Variants in NFIB observed in about 807,000 individuals in gnomAD.
NFIB encodes nuclear factor I B, also known as nuclear factor 1 B-type.
Under a neutral mutation model 61.5 loss-of-function variants are expected in NFIB, and 11 were observed. The ratio of observed to expected loss-of-function variants is 0.18; its 90% CI spans 0.11 to 0.30. The LOEUF is 0.30. Ranked by LOEUF, NFIB falls within the 10% of genes least tolerant of loss-of-function variation. NFIB has a pLI of 1.00. For synonymous variants in NFIB, 260 were observed against 216.5 expected (o/e 1.20, Z -1.76); for missense variants, 471 against 608.9 (o/e 0.77, Z 2.38).
At chr9:14,469,037 C>G in the NFIB span, among the ~76,000 whole-genome samples, 1 of 152,296 alleles carries the variant, frequency 6.6e-6, no homozygotes, top group South Asian at 2.1e-4. Flanking sequence ...CACAACAATG[C>G]CCACTTCGAT....
chr9:14,364,126 A>G (rs549715995), intron 1 of NFIB, among the ~76,000 whole-genome samples: 4 of 152,304 alleles, frequency 2.6e-5, no homozygotes, highest in Non-Finnish European at 5.9e-5. Flanking sequence ...TTTAATAGCT[A>G]TTGCCAAATT....
chr9:14,190,182 T>G (rs2131546583), intron 2 of NFIB, among the ~76,000 whole-genome samples: 1 of 152,310 alleles, frequency 6.6e-6, no homozygotes, highest in East Asian at 1.9e-4. Flanking sequence ...TTTTTATATC[T>G]TATGTTACTT....
chr9:14,357,113 G>A (rs2061185154), intron 1 of NFIB: 1 of 152,228 alleles, frequency 6.6e-6, no homozygotes. Flanking sequence ...GAAAAGAGTT[G>A]CTGTATAAAT....
At chr9:14,370,108 C>T (rs2061343152) in intron 1 of NFIB, among the ~76,000 whole-genome samples, 2 of 152,322 alleles carry the variant, frequency 1.3e-5, no homozygotes, top group South Asian at 4.1e-4. Flanking sequence ...CTTTGTGCCT[C>T]CCTTCAAGCA....
At chr9:14,332,220 C>T (rs919366528) in intron 1 of NFIB, among the ~76,000 whole-genome samples, 1 of 149,948 alleles carries the variant, frequency 6.7e-6, no homozygotes, top group Non-Finnish European at 1.5e-5. Flanking sequence ...GTAATCCCAG[C>T]TATTCGGGAG....
chr9:14,465,606 CA>C, the NFIB span, among the ~76,000 whole-genome samples: 1 of 151,270 alleles, frequency 6.6e-6, no homozygotes, highest in Non-Finnish European at 1.5e-5. Flanking sequence ...CACACACACA[CA>C]CGCCCTACCC....
intron 2 of NFIB, among the ~76,000 whole-genome samples, chr9:14,252,087 T>G (rs1263558090): frequency 2.0e-5 from 3 of 152,196 alleles, no homozygotes; most frequent in Non-Finnish European, 4.4e-5. Flanking sequence ...TTTAAAACTG[T>G]GATTACCCTT....
the NFIB span, among the ~76,000 whole-genome samples, chr9:14,460,472 CAAA>C: frequency 1.2e-4 from 18 of 151,694 alleles, no homozygotes; most frequent in Non-Finnish European, 1.2e-4. Flanking sequence ...ACACACGTAA[CAAA>C]CCTGCACGTT....
At chr9:14,170,134 C>A (rs370817725) in intron 3 of NFIB, among the ~76,000 whole-genome samples, 1 of 152,038 alleles carries the variant, frequency 6.6e-6, no homozygotes, top group Non-Finnish European at 1.5e-5. Flanking sequence ...TTTAGTCCAG[C>A]GAGCTTAACT....
intron 2 of NFIB, among the ~76,000 whole-genome samples, chr9:14,292,409 G>C (rs1345069524): frequency 6.6e-6 from 1 of 152,164 alleles, no homozygotes; most frequent in Non-Finnish European, 1.5e-5. Context: ...TCAAGAGTCA[G>C]GTTACACATT....
chr9:14,508,249 T>A, the NFIB span, among the ~76,000 whole-genome samples: 2 of 152,148 alleles, frequency 1.3e-5, no homozygotes, highest in South Asian at 2.1e-4. Context: ...GTATGTGTGA[T>A]GTTTATGTAG....
At chr9:14,531,091 TA>T in the NFIB span, among the ~76,000 whole-genome samples, 26 of 152,184 alleles carry the variant, frequency 1.7e-4, no homozygotes, top group Non-Finnish European at 3.2e-4. Flanking sequence ...ATTTATCATG[TA>T]GCACTTTTTG....
the NFIB span, among the ~76,000 whole-genome samples, chr9:14,442,529 G>C: frequency 2.6e-5 from 4 of 152,110 alleles, no homozygotes; most frequent in African/African-American, 9.7e-5. Context: ...AGGCTACAAG[G>C]AGCTAGCAGG....
At chr9:14,501,981 C>G in the NFIB span, among the ~76,000 whole-genome samples, 1 of 152,246 alleles carries the variant, frequency 6.6e-6, no homozygotes, top group East Asian at 1.9e-4. Context: ...CCTCTGCTGG[C>G]CAGGGAGAGA....
rs746993437 is a variant in NFIB, at chr9:14,120,529, T to C, written c.1156A>G (p.Thr386Ala). ...PAPSSYFSHP[T>A]IRYPPHLNPQ... ...TTCAGGTGGGGAGGATATCTGATTG[T>C]TGGATGAGAAAAGTAGCTCGATGGG... The change falls in exon 8 of 11, where the codon ACA becomes GCA. Residue 386 changes from threonine (T) to alanine (A), a missense_variant. By Grantham distance (58) the Thr-to-Ala change is moderately conservative. Coordinates refer to ENST00000380953, the MANE Select transcript of NFIB (RefSeq NM_001190737.2). This position sits in a 1 kb window ranked among gnomAD's most constrained non-coding sequence, Gnocchi z 4.4. 3.1e-6 allele frequency: 5 copies of C among 1,614,090 alleles called. No individual in the cohort carries two copies. The highest frequency in any genetic ancestry group is 2.2e-5 in the South Asian group (2 of 91,070).
chr9:14,391,056 C>A (rs1191034381), intron 1 of NFIB, among the ~76,000 whole-genome samples: 1 of 152,178 alleles, frequency 6.6e-6, no homozygotes, highest in African/African-American at 2.4e-5. Flanking sequence ...CAGATACTTT[C>A]CCCTCAAAAA....
chr9:14,373,686 G>A (rs79059983), intron 1 of NFIB, among the ~76,000 whole-genome samples: 8,847 of 150,718 alleles, frequency 0.059, 314 homozygotes, highest in Non-Finnish European at 0.085. Flanking sequence ...GTGGTGTTTA[G>A]AAACAGGTAG....
intron 2 of NFIB, among the ~76,000 whole-genome samples, chr9:14,289,719 A>G (rs1037849689): frequency 3.9e-5 from 6 of 152,060 alleles, no homozygotes; most frequent in African/African-American, 1.4e-4. Flanking sequence ...TTATATTACC[A>G]GTGAAATGAT....
At chr9:14,219,308 T>C (rs1460858448) in intron 2 of NFIB, among the ~76,000 whole-genome samples, 2 of 147,392 alleles carry the variant, frequency 1.4e-5, no homozygotes, top group African/African-American at 5.2e-5. Flanking sequence ...TATTAACTAT[T>C]ATATAGATTG....
Sources: allele counts gnomAD v4.1 joint callset (sites outside exome capture counted in the v4.1 genomes callset), GRCh38; gene constraint gnomAD v4.1.1; non-coding constraint Gnocchi (gnomAD v3.1); transcripts MANE v1.5; gene names NCBI Gene and HGNC (gene_info 2026-07-23, HGNC 2026-07-21).